Variants in CEP128 observed in about 807,000 individuals in gnomAD.
CEP128 encodes centrosomal protein 128kDa.
CEP128 carries 132 observed loss-of-function variants against 156.7 expected under a neutral mutation model. That is an observed-to-expected ratio of 0.84 (90% confidence interval 0.73 to 0.97). The LOEUF (loss-of-function observed/expected upper bound fraction) is 0.97. Ranked by LOEUF, CEP128 falls within the 50% of genes least tolerant of loss-of-function variation. CEP128 has a pLI of 0.00. For synonymous variants in CEP128, 469 were observed against 448.9 expected, an observed-to-expected ratio of 1.04 and a Z score of -0.57; for missense variants, 1,252 against 1,281.9, an observed-to-expected ratio of 0.98 and a Z score of 0.36.
chr14:80,672,330 A>G (rs1174059682), intron 19 of CEP128, among the ~76,000 whole-genome samples: 1 of 145,360 alleles, frequency 6.9e-6, no homozygotes, highest in Non-Finnish European at 1.5e-5. Flanking sequence ...GGTGAACTGA[A>G]AGTGAACAGA....
At chr14:80,550,353 TAA>T (rs2140337583) in intron 21 of CEP128, among the ~76,000 whole-genome samples, 2 of 152,304 alleles carry the variant, frequency 1.3e-5, no homozygotes, top group East Asian at 3.9e-4. Context: ...ACACAGATTT[TAA>T]GTTATCTAAA....
chr14:80,864,714 G>C (rs1288312021), intron 8 of CEP128, among the ~76,000 whole-genome samples: 1 of 151,914 alleles, frequency 6.6e-6, no homozygotes, highest in Non-Finnish European at 1.5e-5. Context: ...CTGCCACCAC[G>C]CCTGGCTAAT....
intron 13 of CEP128, chr14:80,822,899 T>A (rs1885266298): frequency 3.6e-6 from 2 of 550,700 alleles, no homozygotes; most frequent in South Asian, 1.8e-5. Context: ...TACTTTTTTT[T>A]AAGCTATGTT....
intron 19 of CEP128, among the ~76,000 whole-genome samples, chr14:80,626,327 G>A (rs903347869): frequency 2.0e-5 from 3 of 151,456 alleles, no homozygotes; most frequent in Non-Finnish European, 4.4e-5. Flanking sequence ...AGCCGGGCGC[G>A]GTGGCGGGCG....
At chr14:80,566,295 C>T (rs1480615700) in intron 20 of CEP128, among the ~76,000 whole-genome samples, 1 of 152,120 alleles carries the variant, frequency 6.6e-6, no homozygotes, top group Non-Finnish European at 1.5e-5. Flanking sequence ...TATATTTTTT[C>T]TCCTCAGCAT....
chr14:80,613,299 T>C (rs1893077113), intron 19 of CEP128, among the ~76,000 whole-genome samples: 1 of 115,248 alleles, frequency 8.7e-6, no homozygotes. Context: ...AGCATTTTTT[T>C]TTTTTTTTTT....
intron 20 of CEP128, among the ~76,000 whole-genome samples, chr14:80,563,969 G>T (rs543509745): frequency 1.1e-4 from 17 of 152,078 alleles, no homozygotes; most frequent in African/African-American, 3.6e-4. Flanking sequence ...CAGTAACAAA[G>T]AAATAAACAA....
At chr14:80,662,260 C>T (rs1191900011) in intron 19 of CEP128, among the ~76,000 whole-genome samples, 2 of 152,102 alleles carry the variant, frequency 1.3e-5, no homozygotes, top group African/African-American at 4.8e-5. Context: ...TTTATAGTGG[C>T]AAATCTGCTT....
intron 19 of CEP128, among the ~76,000 whole-genome samples, chr14:80,722,821 CTTTTTTTTTTTTT>C (rs142796338): frequency 9.6e-6 from 1 of 103,980 alleles, no homozygotes; most frequent in African/African-American, 4.2e-5. Context: ...TACTCTTTAT[CTTTTTTTTTTTTT>C]TTTTTTTTTG....
chr14:80,646,837 T>C (rs1443636687), intron 19 of CEP128, among the ~76,000 whole-genome samples: 1 of 151,408 alleles, frequency 6.6e-6, no homozygotes, highest in African/African-American at 2.4e-5. Context: ...TCTTATTCTC[T>C]ACTATGGCCA....
chr14:80,938,357 C>T (rs1179881804), intron 2 of CEP128, among the ~76,000 whole-genome samples: 1 of 150,802 alleles, frequency 6.6e-6, no homozygotes, highest in Non-Finnish European at 1.5e-5. Context: ...TGCCATTCTC[C>T]TGCCTCAGCC....
At chr14:80,892,060 A>T (rs571811958) in intron 8 of CEP128, among the ~76,000 whole-genome samples, 9 of 152,144 alleles carry the variant, frequency 5.9e-5, no homozygotes, top group Middle Eastern at 3.4e-3. Context: ...CACAGGAAAA[A>T]AAAAAAATCC....
intron 14 of CEP128, among the ~76,000 whole-genome samples, chr14:80,481,823 C>A (rs1382084489): frequency 2.0e-5 from 3 of 152,220 alleles, no homozygotes; most frequent in African/African-American, 7.2e-5. Flanking sequence ...GATCCTAGTT[C>A]ACCTTAAATA....
chr14:80,687,948 T>C (rs1896584387), intron 19 of CEP128, among the ~76,000 whole-genome samples: 1 of 152,178 alleles, frequency 6.6e-6, no homozygotes, highest in South Asian at 2.1e-4. Flanking sequence ...ATAACAATTT[T>C]TATCCCTCCA....
At chr14:80,572,268 T>C (rs1891171316) in intron 20 of CEP128, among the ~76,000 whole-genome samples, 2 of 152,188 alleles carry the variant, frequency 1.3e-5, no homozygotes, top group Non-Finnish European at 2.9e-5. Context: ...GCCTTAGAAG[T>C]GAGAACTACA....
At chr14:80,627,986 T>A (rs1169337590) in intron 19 of CEP128, among the ~76,000 whole-genome samples, 1 of 152,156 alleles carries the variant, frequency 6.6e-6, no homozygotes, top group Non-Finnish European at 1.5e-5. Flanking sequence ...ATAAAACAGT[T>A]TGAAATATCC....
At chr14:80,495,317 G>A (rs1887456203), downstream of CEP128, among the ~76,000 whole-genome samples, 1 of 152,106 alleles carries the variant, frequency 6.6e-6, no homozygotes, top group South Asian at 2.1e-4. Flanking sequence ...CCAACTTAAG[G>A]GTAGGGTAAC....
At chr14:80,715,147 T>C (rs1897557397) in intron 19 of CEP128, among the ~76,000 whole-genome samples, 1 of 151,986 alleles carries the variant, frequency 6.6e-6, no homozygotes, top group Non-Finnish European at 1.5e-5. Flanking sequence ...CACCTGAGCC[T>C]GTCAGGTCAA....
chr14:80,687,276 C>G (rs1021332018), intron 19 of CEP128, among the ~76,000 whole-genome samples: 2 of 152,060 alleles, frequency 1.3e-5, no homozygotes, highest in Non-Finnish European at 2.9e-5. Context: ...GATTTATATG[C>G]TCATATGTTC....
Sources: gnomAD v4.1 joint callset for allele counts (sites outside exome capture counted in the v4.1 genomes callset) on GRCh38, gnomAD v4.1.1 for gene constraint, MANE v1.5 for transcripts, NCBI Gene and HGNC (gene_info 2026-07-23, HGNC 2026-07-21) for gene names.